The following CLEC18A variants were observed in gnomAD, a reference collection of about 807,000 sequenced individuals.
The protein encoded by CLEC18A is mannose receptor-like 1.
Under a neutral mutation model 24.0 loss-of-function variants are expected in CLEC18A, and 5 were observed. The observed-to-expected ratio is 0.21, with a 90% CI of 0.11 to 0.44. The LOEUF (loss-of-function observed/expected upper bound fraction) is 0.44, where lower values mean the gene tolerates loss of function less well. Among genes scored for constraint, CLEC18A ranks in the 20% least tolerant of loss-of-function variants. The pLI, the probability that CLEC18A is intolerant of heterozygous loss-of-function variation, is 0.99. For missense variants in CLEC18A, 83 were observed against 233.4 expected (o/e 0.36, Z 4.20); for synonymous variants, 29 against 100.1 (o/e 0.29, Z 4.24).
chr16:69,956,378 C>T lies in CLEC18A; in HGVS notation c.456+1805C>T, dbSNP rs1384323756. On this transcript the variant is annotated intron_variant, in intron 3 of 11. Coordinates refer to ENST00000288040, the MANE Select transcript of CLEC18A (RefSeq NM_001370523.4). ...CCTTAATTTTTTTTTTTTTTTGAGA[C>T]GGAGTCTTGCTCTGTCGCGCAGGCT... Among the ~76,000 whole-genome samples the T allele has an allele frequency of 1.0e-4, 10 of 95,740 alleles. 1 individual carries two copies. Among genetic ancestry groups the T allele is most frequent in the African/African-American group, 3.1e-4 (6 of 19,154 alleles). The allele number at this position is 95,740 out of a possible 152,430, so 62.8% of individuals were successfully genotyped here.
upstream of CLEC18A, among the ~76,000 whole-genome samples, chr16:69,948,665 C>T (rs1351180881): frequency 6.7e-6 from 1 of 148,840 alleles, no homozygotes; most frequent in East Asian, 2.0e-4. Context: ...TGAGGCTGCC[C>T]ATTCTCCAAA....
At chr16:69,955,246 GC>G (rs2059019378) in intron 3 of CLEC18A, among the ~76,000 whole-genome samples, 1 of 145,240 alleles carries the variant, frequency 6.9e-6, no homozygotes, top group Non-Finnish European at 1.5e-5. Flanking sequence ...CAAATGATCT[GC>G]CTGCCTCAGC....
At chr16:69,957,851 CTT>C (rs1396304954) in intron 3 of CLEC18A, among the ~76,000 whole-genome samples, 1 of 41,756 alleles carries the variant, frequency 2.4e-5, no homozygotes, top group Non-Finnish European at 4.0e-5. Context: ...GATTCTAAGA[CTT>C]TAAACTGGTT....
intron 3 of CLEC18A, among the ~76,000 whole-genome samples, chr16:69,955,850 T>TAC (rs2059027113): frequency 6.6e-6 from 1 of 151,850 alleles, no homozygotes; most frequent in East Asian, 1.9e-4. Flanking sequence ...GAGGGTCTTC[T>TAC]ACACACACCT....
chr16:69,964,963 C>G (rs564671585), downstream of CLEC18A, among the ~76,000 whole-genome samples: 2 of 152,024 alleles, frequency 1.3e-5, no homozygotes. Context: ...CACCACGCCC[C>G]GCTATTTTTT....
At chr16:69,947,505 C>T (rs2058913349), upstream of CLEC18A, among the ~76,000 whole-genome samples, 1 of 117,730 alleles carries the variant, frequency 8.5e-6, no homozygotes, top group African/African-American at 2.9e-5. Context: ...GGGGAAGGCC[C>T]ATCTCTACTA....
chr16:69,965,531 C>A (rs1200049770), downstream of CLEC18A, among the ~76,000 whole-genome samples: 1 of 150,830 alleles, frequency 6.6e-6, no homozygotes, highest in Non-Finnish European at 1.5e-5. Flanking sequence ...GCGGCCGAGC[C>A]GAGACCTTCC....
At chr16:69,949,076 C>CGAGTA (rs2058920666), upstream of CLEC18A, among the ~76,000 whole-genome samples, 1 of 127,744 alleles carries the variant, frequency 7.8e-6, no homozygotes, top group Non-Finnish European at 1.6e-5. Context: ...CTCAGCCTAC[C>CGAGTA]GAGTAGCTGG....
intron 3 of CLEC18A, among the ~76,000 whole-genome samples, chr16:69,957,057 A>G (rs1434980743): frequency 6.6e-6 from 1 of 151,702 alleles, no homozygotes; most frequent in Admixed American, 6.6e-5. Context: ...TTCATTTTAA[A>G]TCTTTTTTTG....
At chr16:69,953,848 G>C (rs71397998) in intron 2 of CLEC18A, 2 of 173,662 alleles carry the variant, frequency 1.2e-5, no homozygotes, top group East Asian at 1.6e-4. Context: ...GGGAGGGGGC[G>C]GGGTCAGCTG....
At chr16:69,945,120 G>C in the CLEC18A span, among the ~76,000 whole-genome samples, 1 of 144,702 alleles carries the variant, frequency 6.9e-6, no homozygotes, top group Non-Finnish European at 1.5e-5. Context: ...GTGAGACCCT[G>C]TCTGGAAAAA....
At chr16:69,945,791 C>T (rs1230146800), upstream of CLEC18A, among the ~76,000 whole-genome samples, 1 of 152,224 alleles carries the variant, frequency 6.6e-6, no homozygotes, top group Non-Finnish European at 1.5e-5. Context: ...AAATCTGTCT[C>T]TACTAAAAAT....
downstream of CLEC18A, chr16:69,964,442 A>C (rs1374633792): frequency 6.7e-6 from 1 of 150,242 alleles, no homozygotes; most frequent in African/African-American, 2.4e-5. Context: ...TACAGCTGGG[A>C]GTCAAACCCA....
At position 69,963,017 on chromosome 16, in the gene CLEC18A, A is replaced by G; in HGVS notation, c.1253A>G (p.Asn418Ser). ...GAGCTGCAGGCTTCAGCTGCCTTCAACTGGAACGACCAGCGCTGCAAAACC... is the reference window on the plus strand; with the variant it reads ...GAGCTGCAGGCTTCAGCTGCCTTCAGCTGGAACGACCAGCGCTGCAAAACC... ...CVELQASAAF[N>S]WNDQRCKTRN... Residue 418 changes from asparagine to serine, a missense_variant, in exon 11 of 12, where the codon AAC becomes AGC. Coordinates refer to ENST00000288040, the MANE Select transcript of CLEC18A (RefSeq NM_001370523.4). 2 of 1,612,968 alleles carry G rather than the reference A, an allele frequency of 1.2e-6. No homozygotes were observed. Among genetic ancestry groups the G allele is most frequent in the Non-Finnish European group, 1.7e-6 (2 of 1,179,588 alleles).
chr16:69,963,226 T>G (rs1326747562), intron 11 of CLEC18A, among the ~76,000 whole-genome samples, 159 bp downstream of exon 11: 1 of 151,982 alleles, frequency 6.6e-6, no homozygotes, highest in Non-Finnish European at 1.5e-5. Flanking sequence ...ACCTGTGGGC[T>G]CCTGAGCCCA....
At chr16:69,965,385 G>A (rs647631), downstream of CLEC18A, among the ~76,000 whole-genome samples, 706 of 151,370 alleles carry the variant, frequency 4.7e-3, 22 homozygotes, top group East Asian at 0.015. Context: ...TCTTCCTCCC[G>A]GACCCGGGAC....
At chr16:69,950,490 G>A (rs1418030238), upstream of CLEC18A, among the ~76,000 whole-genome samples, 5 of 103,358 alleles carry the variant, frequency 4.8e-5, no homozygotes, top group Admixed American at 1.1e-4. Flanking sequence ...GCCGGGCCAC[G>A]GCACATCATG....
At chr16:69,952,730 C>G (rs1214615311) in intron 2 of CLEC18A, 1 of 145,326 alleles carries the variant, frequency 6.9e-6, no homozygotes, top group Non-Finnish European at 1.6e-5. Flanking sequence ...AACGCTGCCC[C>G]CCCTTGTCTG....
rs1959242938 is a variant in CLEC18A at position 69,963,790 on chromosome 16, GGAGT to G, written c.*185_*188del. On this transcript the variant is annotated 3_prime_UTR_variant, in exon 12 of 12. Coordinates refer to ENST00000288040, the MANE Select transcript of CLEC18A (RefSeq NM_001370523.4). The stretch of plus-strand genomic sequence containing the variant: ...AGGCAGGGAGGCCAGTGAGGGCCAG[GGAGT>G]GAGTGTTAGAAGAAGCTGGGGCCCT... 1 of 638,860 alleles carries G rather than the reference GGAGT, an allele frequency of 1.6e-6. No individual in the cohort carries two copies. The highest frequency in any genetic ancestry group is 2.7e-6 in the Non-Finnish European group (1 of 364,900). The allele number at this position is 638,860 out of a possible 1,614,324, so 39.6% of individuals were successfully genotyped here.
Sources: allele counts gnomAD v4.1 joint callset (sites outside exome capture counted in the v4.1 genomes callset), GRCh38; gene constraint gnomAD v4.1.1; transcripts MANE v1.5; gene names NCBI Gene and HGNC (gene_info 2026-07-23, HGNC 2026-07-21).